The following FSD1L variants were observed in gnomAD, a reference collection of about 807,000 sequenced individuals.
The protein encoded by FSD1L is fibronectin type III and SPRY domain containing 1 like, also known as FSD1-like protein.
In FSD1L, 45 loss-of-function variants were observed where a neutral mutation model predicts 71.6. That is an observed-to-expected ratio of 0.63 (90% CI 0.49 to 0.81). FSD1L has a LOEUF of 0.81. FSD1L is among the 30% of genes least tolerant of loss of function. FSD1L has a pLI of 0.00. For missense variants in FSD1L, 561 were observed against 618.1 expected, an observed-to-expected ratio of 0.91 and a Z score of 0.98; for synonymous variants, 197 against 207.2, an observed-to-expected ratio of 0.95 and a Z score of 0.42.
Position 105,448,125 on chromosome 9 carries a change from T to G in FSD1L, c.-96T>G. On this transcript the variant is annotated 5_prime_UTR_variant, in exon 1 of 14. Transcript: ENST00000481272. ...GCGGTGCCGGTGCGGGCTGGGGCAG[T>G]GCAGTGAGTAGCGGTCTTGGGGTGT... The G allele has an allele frequency of 3.1e-6, 4 of 1,307,796 alleles. No homozygotes were observed. The highest frequency in any genetic ancestry group is 4.3e-6 in the Non-Finnish European group (4 of 931,732). 81.0% of individuals were successfully genotyped at this position (1,307,796 alleles called of 1,614,324 possible). A position where few individuals can be genotyped will look rare whatever the true frequency, so the allele number is the denominator to read the frequency against.
upstream of FSD1L, among the ~76,000 whole-genome samples, chr9:105,447,324 CAAAAAAAAAAA>C (rs35514046): frequency 6.5e-5 from 4 of 61,556 alleles, no homozygotes; most frequent in African/African-American, 2.8e-4. Context: ...ACTCCATCTC[CAAAAAAAAAAA>C]AAAAAAAAAA....
intron 1 of FSD1L, among the ~76,000 whole-genome samples, chr9:105,456,775 T>C (rs1830384114): frequency 6.6e-6 from 1 of 152,242 alleles, no homozygotes. Context: ...TCTCATATAT[T>C]TTACTATGAT....
Position 105,544,926 on chromosome 9 carries a change from A to G in FSD1L, c.1468-1432A>G, listed in dbSNP as rs572061703. 1.1e-3 allele frequency among the ~76,000 whole-genome samples: 170 copies of G among 152,208 alleles called. 1 individual carries two copies. Among genetic ancestry groups the G allele is most frequent in the African/African-American group, 4.0e-3 (164 of 41,518 alleles). On this transcript the variant is annotated intron_variant, in intron 13 of 13. Coordinates refer to ENST00000481272, the MANE Select transcript of FSD1L (RefSeq NM_001145313.3). ...GCAATGTGGGCTCTTTTTTGGTTCC[A>G]TATTAACTTTAAAGTAGTTTTTTCC... is the stretch of plus-strand genomic sequence containing the variant.
chr9:105,510,988 CTT>C (rs374059344), intron 9 of FSD1L, among the ~76,000 whole-genome samples: 25 of 140,634 alleles, frequency 1.8e-4, no homozygotes, highest in South Asian at 2.3e-4. Context: ...TGAGGCTAGT[CTT>C]TTTTTTTTTT....
At chr9:105,521,783 C>T (rs1209833490) in intron 10 of FSD1L, 18 of 1,612,726 alleles carry the variant, frequency 1.1e-5, no homozygotes, top group Admixed American at 1.7e-5. Flanking sequence ...CTCTTCATAA[C>T]ACCTCTGAAG....
chr9:105,520,008 G>A (rs1589065290), intron 10 of FSD1L: 2 of 1,425,372 alleles, frequency 1.4e-6, no homozygotes, highest in East Asian at 2.5e-5. Context: ...GCCCTGGCCC[G>A]CAAGGCTGGG....
At chr9:105,518,240 TAGAC>T (rs945024700) in intron 10 of FSD1L, among the ~76,000 whole-genome samples, 125 of 152,260 alleles carry the variant, frequency 8.2e-4, no homozygotes, top group African/African-American at 2.4e-3. Flanking sequence ...CTGTCAATAT[TAGAC>T]AGATCAATGA....
At position 105,514,902 on chromosome 9, in the gene FSD1L, CAG is replaced by C. The variant is rs1019916625; in HGVS notation, c.1025+1969_1025+1970del. 1.9e-4 allele frequency among the ~76,000 whole-genome samples: 29 copies of C among 152,248 alleles called. 1 individual carries two copies. The highest frequency in any genetic ancestry group is 6.3e-4 in the African/African-American group (26 of 41,560). ...GGCTAAAATGGGAAAGATACTAAAA[CAG>C]AGTGGAGAAAAGTGTTTTCAGACCA... On this transcript the variant is annotated intron_variant, in intron 10 of 13. Coordinates refer to ENST00000481272, the MANE Select transcript of FSD1L (RefSeq NM_001145313.3).
intron 10 of FSD1L, among the ~76,000 whole-genome samples, chr9:105,529,756 C>G (rs1366559060): frequency 6.6e-6 from 1 of 151,404 alleles, no homozygotes; most frequent in Admixed American, 6.6e-5. Flanking sequence ...TACCCCAGAA[C>G]TTTAAGTATA....
At chr9:105,487,000 A>G (rs1286203707) in intron 7 of FSD1L, among the ~76,000 whole-genome samples, 3 of 152,148 alleles carry the variant, frequency 2.0e-5, no homozygotes, top group Non-Finnish European at 4.4e-5. Flanking sequence ...TAAACCTAAC[A>G]TATAATTCAC....
chr9:105,549,217 T>C lies in FSD1L; in HGVS notation c.*2734T>C, dbSNP rs1049934687. The C allele has an allele frequency of 6.6e-6, 1 of 152,106 alleles. No individual in the cohort carries two copies. Among genetic ancestry groups the C allele is most frequent in the African/African-American group, 2.4e-5 (1 of 41,458 alleles). 9.4% of individuals were successfully genotyped at this position (152,106 alleles called of 1,614,324 possible). On this transcript the variant is annotated 3_prime_UTR_variant, in exon 14 of 14. Transcript: ENST00000481272. Reference sequence around the variant, plus strand: ...TATGTCACAGGTATAAAACAGTTGTTTTCTAAAAACATGCATTTAGTATGG... The same window carrying C: ...TATGTCACAGGTATAAAACAGTTGTCTTCTAAAAACATGCATTTAGTATGG...
intron 1 of FSD1L, among the ~76,000 whole-genome samples, chr9:105,453,326 C>T (rs940130916): frequency 1.3e-5 from 2 of 151,764 alleles, no homozygotes; most frequent in African/African-American, 4.8e-5. Flanking sequence ...GGATTATAGG[C>T]GCCCGCCACC....
At chr9:105,448,747 A>T (rs568551035) in intron 1 of FSD1L, among the ~76,000 whole-genome samples, 32 of 152,220 alleles carry the variant, frequency 2.1e-4, no homozygotes, top group Admixed American at 5.9e-4. Flanking sequence ...TCCCCTTCCC[A>T]TGACTTTTCC....
intron 1 of FSD1L, among the ~76,000 whole-genome samples, chr9:105,453,822 G>A (rs528339760): frequency 3.3e-5 from 5 of 152,246 alleles, no homozygotes; most frequent in Admixed American, 3.3e-4. Context: ...GTTTGCTGTA[G>A]TGCTAGATAT....
chr9:105,517,972 G>A (rs925104108), intron 10 of FSD1L, among the ~76,000 whole-genome samples: 11 of 152,172 alleles, frequency 7.2e-5, no homozygotes, highest in African/African-American at 2.2e-4. Context: ...GAATATTTAC[G>A]AAGCAAATGG....
At chr9:105,500,919 A>G (rs1249695774) in intron 7 of FSD1L, among the ~76,000 whole-genome samples, 1 of 152,262 alleles carries the variant, frequency 6.6e-6, no homozygotes, top group Admixed American at 6.5e-5. Flanking sequence ...TCTAATAGCC[A>G]CAACTGACTA....
In FSD1L at chr9:105,508,722, T is replaced by C; in HGVS notation, c.895+7T>C. 4 of 1,488,004 alleles carry C rather than the reference T, an allele frequency of 2.7e-6. No homozygotes were observed. Among genetic ancestry groups the C allele is most frequent in the Non-Finnish European group, 3.7e-6 (4 of 1,089,998 alleles). 92.2% of individuals were successfully genotyped at this position (1,488,004 alleles called of 1,614,324 possible). A position where few individuals can be genotyped will look rare whatever the true frequency, so the allele number is the denominator to read the frequency against. The stretch of plus-strand genomic sequence containing the variant: ...GTGACTCTAGAGACCAAAGGTGAGA[T>C]CAGTAGCTCTTTATACAGCATAAAA... On this transcript the variant is annotated splice_region_variant and intron_variant, in intron 9 of 13. Coordinates refer to ENST00000481272, the MANE Select transcript of FSD1L (RefSeq NM_001145313.3).
Position 105,520,197 on chromosome 9 carries a change from G to T in FSD1L, c.1025+7261G>T, listed in dbSNP as rs889561947. The T allele has an allele frequency of 5.6e-5, 90 of 1,611,324 alleles. 2 individuals are homozygous for T. In the South Asian group the frequency reaches 9.0e-4, roughly 16 times the overall value. On this transcript the variant is annotated intron_variant, in intron 10 of 13. Coordinates refer to ENST00000481272, the MANE Select transcript of FSD1L (RefSeq NM_001145313.3). ...GAAGGTGCTAGACACCAAGAAGGAC[G>T]CACTGACTCGCCTCAAGCACCTGCG...
At chr9:105,447,683 T>TG (rs1456023728), upstream of FSD1L, 1 of 169,886 alleles carries the variant, frequency 5.9e-6, no homozygotes, top group East Asian at 1.9e-4. Context: ...TTCCTCCCTT[T>TG]GGACCGCTGG....
Sources: gnomAD v4.1 joint callset for allele counts (sites outside exome capture counted in the v4.1 genomes callset) on GRCh38, gnomAD v4.1.1 for gene constraint, MANE v1.5 for transcripts, NCBI Gene and HGNC (gene_info 2026-07-23, HGNC 2026-07-21) for gene names.